Variants in MCPH1 observed in about 807,000 individuals in gnomAD.
MCPH1 encodes the protein microcephalin.
A neutral mutation model predicts 84.5 loss-of-function variants in MCPH1; 104 were observed. That is an observed-to-expected ratio of 1.23 (90% CI 1.05 to 1.45). MCPH1 has a LOEUF of 1.45. Ranked by LOEUF, MCPH1 falls within the 40% of genes most tolerant of loss-of-function variation. The pLI, the probability that MCPH1 is intolerant of heterozygous loss-of-function variation, is 0.00. For missense variants in MCPH1, 1,498 were observed against 1,005.7 expected, an observed-to-expected ratio of 1.49 and a Z score of -6.62; for synonymous variants, 514 against 366.8, an observed-to-expected ratio of 1.40 and a Z score of -4.58.
chr8:6,428,075 C>G (rs1801324536), intron 3 of MCPH1, among the ~76,000 whole-genome samples: 1 of 152,096 alleles, frequency 6.6e-6, no homozygotes, highest in Non-Finnish European at 1.5e-5. Context: ...AGCCACCACG[C>G]CTCGCCTATA....
chr8:6,595,614 T>C (rs1828863393), intron 12 of MCPH1, among the ~76,000 whole-genome samples: 1 of 152,134 alleles, frequency 6.6e-6, no homozygotes, highest in Admixed American at 6.5e-5. Context: ...GAGTGCATGG[T>C]CCAACACGGT....
In MCPH1 at chr8:6,445,191, G is replaced by C; in HGVS notation, c.1469G>C (p.Gly490Ala). ...TISSPRKTGN[G>A]EGRATSSCVT... ...TCCAGTCCTCGGAAAACTGGAAATG[G>C]TGAAGGCCGTGCAACTTCGAGTTGC... Residue 490 changes from glycine to alanine, a missense_variant, in exon 8 of 14, where the codon GGT becomes GCT. Coordinates refer to ENST00000344683, the MANE Select transcript of MCPH1 (RefSeq NM_024596.5). The C allele has an allele frequency of 6.2e-7, 1 of 1,614,232 alleles. No homozygotes were observed. Among genetic ancestry groups the C allele is most frequent in the South Asian group, 1.1e-5 (1 of 91,084 alleles).
chr8:6,420,099 A>G (rs1468445868), intron 3 of MCPH1, among the ~76,000 whole-genome samples: 2 of 151,598 alleles, frequency 1.3e-5, no homozygotes, highest in South Asian at 2.1e-4. Context: ...TTTTGTTTCT[A>G]TAGGATCCTT....
intron 12 of MCPH1, among the ~76,000 whole-genome samples, chr8:6,588,028 C>T (rs942278284): frequency 6.6e-6 from 1 of 152,202 alleles, no homozygotes; most frequent in Non-Finnish European, 1.5e-5. Flanking sequence ...AGCTTCCCAT[C>T]TTGGGGAGGT....
At chr8:6,465,964 C>CATCT in intron 9 of MCPH1, among the ~76,000 whole-genome samples, 1 of 150,588 alleles carries the variant, frequency 6.6e-6, no homozygotes, top group South Asian at 2.1e-4. Flanking sequence ...TCCATCCATC[C>CATCT]ATCCATCCGA....
chr8:6,585,718 C>G (rs1268933245), intron 12 of MCPH1, among the ~76,000 whole-genome samples: 4 of 152,152 alleles, frequency 2.6e-5, no homozygotes, highest in Non-Finnish European at 5.9e-5. Context: ...AGAGAAATTA[C>G]ATGTAACTGG....
chr8:6,415,386 C>G (rs542042449), intron 3 of MCPH1, among the ~76,000 whole-genome samples: 3 of 151,538 alleles, frequency 2.0e-5, no homozygotes, highest in East Asian at 1.9e-4. Flanking sequence ...CTCCTAGGCT[C>G]AAGTGATTCT....
At chr8:6,627,871 G>A (rs764179285) in intron 13 of MCPH1, among the ~76,000 whole-genome samples, 46 of 151,640 alleles carry the variant, frequency 3.0e-4, no homozygotes, top group Non-Finnish European at 4.9e-4. Flanking sequence ...CAGCCTGTGC[G>A]ACAGAGTGAG....
At chr8:6,455,403 A>C (rs1275143052) in intron 9 of MCPH1, 151 bp downstream of exon 9, 14 of 664,956 alleles carry the variant, frequency 2.1e-5, no homozygotes, top group Non-Finnish European at 3.7e-5. Context: ...TCAGAATATG[A>C]AACTGAAAGC....
chr8:6,432,847 C>T (rs2916759), intron 4 of MCPH1, among the ~76,000 whole-genome samples: 2,266 of 152,348 alleles, frequency 0.015, 58 homozygotes, highest in African/African-American at 0.051. Flanking sequence ...ATGCTAAAAT[C>T]AAGTGTTTAT....
At position 6,430,383 on chromosome 8, in the gene MCPH1, C is replaced by T. The variant is rs563433279; in HGVS notation, c.234-1116C>T. Among the ~76,000 whole-genome samples the T allele has an allele frequency of 5.3e-5, 8 of 152,150 alleles. No homozygotes were observed. In the East Asian group the frequency reaches 7.7e-4, roughly 15 times the overall value. On this transcript the variant is annotated intron_variant, in intron 3 of 13. Coordinates refer to ENST00000344683, the MANE Select transcript of MCPH1 (RefSeq NM_024596.5). Reference sequence around the variant, plus strand: ...TGCATTGTATACTGAGGGGATAATGCGAGATGAGAAAGGAAAATCACACGT... The same window carrying T: ...TGCATTGTATACTGAGGGGATAATGTGAGATGAGAAAGGAAAATCACACGT...
At chr8:6,636,335 CAAA>C (rs56881618) in intron 13 of MCPH1, among the ~76,000 whole-genome samples, 3 of 103,048 alleles carry the variant, frequency 2.9e-5, no homozygotes, top group Admixed American at 9.8e-5. Flanking sequence ...GAGACTGTCT[CAAA>C]AAAAAAAAAA....
At chr8:6,611,293 C>T (rs1397349845) in intron 12 of MCPH1, among the ~76,000 whole-genome samples, 1 of 152,234 alleles carries the variant, frequency 6.6e-6, no homozygotes, top group Non-Finnish European at 1.5e-5. Flanking sequence ...CTCAGCCCCG[C>T]AAGCCTGCCC....
chr8:6,585,373 G>C (rs1827887476), intron 12 of MCPH1, among the ~76,000 whole-genome samples: 3 of 152,342 alleles, frequency 2.0e-5, no homozygotes, highest in Non-Finnish European at 2.9e-5. Context: ...GGGAGAAGCT[G>C]TGTGTGGCCA....
At chr8:6,528,263 T>C (rs760157434) in intron 12 of MCPH1, among the ~76,000 whole-genome samples, 17 of 152,186 alleles carry the variant, frequency 1.1e-4, no homozygotes, top group Admixed American at 5.9e-4. Context: ...AAATACTAAA[T>C]GTTATTTTTC....
chr8:6,611,248 G>A (rs534476537), intron 12 of MCPH1, among the ~76,000 whole-genome samples: 1 of 151,974 alleles, frequency 6.6e-6, no homozygotes, highest in African/African-American at 2.4e-5. Flanking sequence ...CAATCCAATT[G>A]TGGCACCGCC....
At chr8:6,563,490 A>C (rs546997968) in intron 12 of MCPH1, 1 of 152,708 alleles carries the variant, frequency 6.5e-6, no homozygotes, top group East Asian at 1.9e-4. Context: ...ACCCCAATTA[A>C]GTATTTCCTA....
chr8:6,447,420 C>G (rs567595809), intron 8 of MCPH1: 9 of 985,346 alleles, frequency 9.1e-6, no homozygotes, highest in East Asian at 1.1e-4. Context: ...TTTCAGTTCA[C>G]TTTTACTTGT....
chr8:6,434,460 G>C (rs995302543), intron 4 of MCPH1, among the ~76,000 whole-genome samples: 1 of 152,178 alleles, frequency 6.6e-6, no homozygotes. Context: ...GTGTCATGCA[G>C]GTACTTTAGT....
Sources: allele counts gnomAD v4.1 joint callset (sites outside exome capture counted in the v4.1 genomes callset), GRCh38; gene constraint gnomAD v4.1.1; transcripts MANE v1.5; gene names NCBI Gene and HGNC (gene_info 2026-07-23, HGNC 2026-07-21).